CDH23: variants seen among roughly 807,000 people sequenced by gnomAD.
CDH23 encodes cadherin-23.
Under a neutral mutation model 317.1 loss-of-function variants are expected in CDH23, and 189 were observed. The observed-to-expected ratio is 0.60, with a 90% CI of 0.53 to 0.67. The LOEUF (loss-of-function observed/expected upper bound fraction) is 0.67. CDH23 is among the 30% of genes least tolerant of loss of function. The pLI is 0.00. For missense variants in CDH23, 4,401 were observed against 4,592.4 expected, an observed-to-expected ratio of 0.96 and a Z score of 1.20; for synonymous variants, 1,839 against 1,876.8, an observed-to-expected ratio of 0.98 and a Z score of 0.52.
rs1332495138 is a variant in CDH23, at chr10:71,427,167, A to G, written c.-5-12660A>G. Among the ~76,000 whole-genome samples the G allele has an allele frequency of 1.4e-4, 14 of 97,020 alleles. No homozygotes were observed. The East Asian group carries it at 2.9e-3, about 20-fold the overall frequency. The allele number at this position is 97,020 out of a possible 152,430, so 63.6% of individuals were successfully genotyped here. On this transcript the variant is annotated intron_variant, in intron 1 of 69. Transcript: ENST00000224721. ...GAGACCCTGTCTCAAAAAAAAAAAA[A>G]AAAGAAAGAAGGAAGGAAGGAAGGA...
intron 19 of CDH23, 125 bp downstream of exon 19, chr10:71,687,844 C>T (rs111744656): frequency 9.1e-5 from 79 of 868,700 alleles, no homozygotes; most frequent in Admixed American, 2.1e-4. Flanking sequence ...TCTCTTTCCC[C>T]GGCCAAGCTC....
chr10:71,484,401 T>C (rs1406371586), intron 3 of CDH23, among the ~76,000 whole-genome samples: 1 of 151,654 alleles, frequency 6.6e-6, no homozygotes, highest in Non-Finnish European at 1.5e-5. Context: ...TAACAGGAGG[T>C]GTTCCTCCAA....
intron 43 of CDH23, 56 bp downstream of exon 43, chr10:71,785,156 C>T: frequency 6.8e-7 from 1 of 1,480,212 alleles, no homozygotes; most frequent in East Asian, 2.3e-5. Context: ...AAAAAGAGGA[C>T]CCTGCCCTAG....
chr10:71,812,330 A>C lies in CDH23; in HGVS notation c.9381-150A>C, dbSNP rs748504881. 4 of 1,598,960 alleles carry C rather than the reference A, an allele frequency of 2.5e-6. No individual in the cohort carries two copies. The East Asian group carries it at 8.9e-5, about 36-fold the overall frequency. ...TCCAGCAGGATCCTATGGTGGGAGC[A>C]TGCACCACAGGCACCAGGGCCTCAC... is the stretch of plus-strand genomic sequence containing the variant. On this transcript the variant is annotated intron_variant, in intron 66 of 69. Transcript: ENST00000224721.
chr10:71,729,462 G>A (rs982601235), intron 30 of CDH23, among the ~76,000 whole-genome samples: 1 of 152,208 alleles, frequency 6.6e-6, no homozygotes. Context: ...GGCCAGGGAA[G>A]CTGGAGTCTT....
rs939812527 is a variant in CDH23 at position 71,785,747 on chromosome 10, G to A, written c.5820+9G>A. 12 of 1,539,854 alleles carry A rather than the reference G, an allele frequency of 7.8e-6. No homozygotes were observed. The highest frequency in any genetic ancestry group is 1.1e-5 in the Non-Finnish European group (12 of 1,121,516). On this transcript the variant is annotated intron_variant, in intron 44 of 69. Transcript: ENST00000224721. ...CACGCATAGCCAGGAGGGTGAGACTGGAGGGCACTGGTGGGAGTGGGCTGG... is the reference window on the plus strand; with the variant it reads ...CACGCATAGCCAGGAGGGTGAGACTAGAGGGCACTGGTGGGAGTGGGCTGG...
chr10:71,684,227 C>G (rs1017369173), intron 18 of CDH23, among the ~76,000 whole-genome samples: 6 of 152,052 alleles, frequency 3.9e-5, no homozygotes, highest in Admixed American at 6.6e-5. Context: ...CCCCATGGCC[C>G]GACCCTGACC....
intron 9 of CDH23, among the ~76,000 whole-genome samples, chr10:71,602,442 G>A (rs1448063386): frequency 6.6e-6 from 1 of 152,198 alleles, no homozygotes; most frequent in Non-Finnish European, 1.5e-5. Context: ...CACATAGCTA[G>A]AAGTAGTGGA....
intron 9 of CDH23, among the ~76,000 whole-genome samples, chr10:71,600,658 G>A (rs1293497202): frequency 2.0e-5 from 3 of 151,640 alleles, no homozygotes; most frequent in Non-Finnish European, 4.4e-5. Context: ...CTGGGACTAC[G>A]GACACGCACC....
chr10:71,496,826 T>TGGCAGCCTC (rs1853003787), intron 3 of CDH23, among the ~76,000 whole-genome samples: 3 of 35,926 alleles, frequency 8.4e-5, no homozygotes, highest in East Asian at 8.4e-4. Flanking sequence ...TGTGGTCTGG[T>TGGCAGCCTC]GTACAGATGG....
chr10:71,592,202 G>C (rs1859539695), intron 9 of CDH23, among the ~76,000 whole-genome samples: 1 of 152,204 alleles, frequency 6.6e-6, no homozygotes, highest in Admixed American at 6.5e-5. Flanking sequence ...GGGGCTTGCT[G>C]TGAGGCTCAG....
At chr10:71,641,409 C>T (rs1862545677) in intron 11 of CDH23, among the ~76,000 whole-genome samples, 2 of 152,172 alleles carry the variant, frequency 1.3e-5, no homozygotes, top group South Asian at 2.1e-4. Context: ...AGAGTGGCTC[C>T]GTCTCGCTCA....
At chr10:71,799,359 T>C in intron 51 of CDH23, 79 bp downstream of exon 51, 1 of 1,607,298 alleles carries the variant, frequency 6.2e-7, no homozygotes, top group Non-Finnish European at 8.5e-7. Flanking sequence ...TCTCCCACCC[T>C]GCCAGCCTCT....
At position 71,740,935 on chromosome 10, in the gene CDH23, T is replaced by C. The variant is rs1464694682; in HGVS notation, c.4602T>C (p.Asn1534=). Residue 1534 remains asparagine, a synonymous_variant, in exon 37 of 70, where the codon AAT becomes AAC. Coordinates refer to ENST00000224721, the MANE Select transcript of CDH23 (RefSeq NM_022124.6). ...TCATCGAGAGCCCCTTTGGATACAA[T>C]GTCAGTGTGAATGAGGTGAGGGCAG... is the stretch of plus-strand genomic sequence containing the variant. The part of the protein sequence containing the change: ...PPVIESPFGY[N]VSVNENVGGG... The C allele has an allele frequency of 1.2e-6, 2 of 1,613,750 alleles. No individual in the cohort carries two copies. The highest frequency in any genetic ancestry group is 2.2e-5 in the East Asian group (1 of 44,890).
chr10:71,467,089 T>C (rs779853009), intron 3 of CDH23, among the ~76,000 whole-genome samples: 7 of 152,092 alleles, frequency 4.6e-5, no homozygotes, highest in Admixed American at 2.0e-4. Flanking sequence ...CAGAGGATGC[T>C]AGCAAGAGCT....
chr10:71,530,563 G>C (rs1463882323), intron 6 of CDH23, among the ~76,000 whole-genome samples: 1 of 152,210 alleles, frequency 6.6e-6, no homozygotes, highest in Non-Finnish European at 1.5e-5. Flanking sequence ...TGTGAGGCTA[G>C]GTCTCTCGAG....
intron 9 of CDH23, among the ~76,000 whole-genome samples, chr10:71,605,313 G>A (rs1900512): frequency 0.32 from 49,093 of 151,822 alleles, 9,887 homozygotes; most frequent in African/African-American, 0.55. Flanking sequence ...AGTTGAAATG[G>A]CTGGAGCAAT....
chr10:71,526,023 A>G (rs1855021056), intron 6 of CDH23, among the ~76,000 whole-genome samples: 1 of 152,188 alleles, frequency 6.6e-6, no homozygotes, highest in South Asian at 2.1e-4. Context: ...GCCTTCACCC[A>G]CAGCAACAGG....
At chr10:71,460,665 C>A (rs764938217) in intron 3 of CDH23, among the ~76,000 whole-genome samples, 4 of 152,216 alleles carry the variant, frequency 2.6e-5, no homozygotes, top group Admixed American at 2.0e-4. Context: ...GCCCAGACAC[C>A]CTGCTCGCCC....
Sources: gnomAD v4.1 joint callset for allele counts (sites outside exome capture counted in the v4.1 genomes callset) on GRCh38, gnomAD v4.1.1 for gene constraint, MANE v1.5 for transcripts, NCBI Gene and HGNC (gene_info 2026-07-23, HGNC 2026-07-21) for gene names.